Variants in CNTN4 observed in about 807,000 individuals in gnomAD.
CNTN4 encodes the protein contactin 4.
Under a neutral mutation model 122.5 loss-of-function variants are expected in CNTN4, and 77 were observed. The observed-to-expected ratio is 0.63, with a 90% CI of 0.52 to 0.76. The LOEUF (loss-of-function observed/expected upper bound fraction) is 0.76. Ranked by LOEUF, CNTN4 falls within the 30% of genes least tolerant of loss-of-function variation. CNTN4 has a pLI of 0.00. For missense variants in CNTN4, 1,256 were observed against 1,259.1 expected (o/e 1.00, Z 0.04); for synonymous variants, 512 against 447.0 (o/e 1.15, Z -1.83).
At chr3:2,315,962 C>T (rs2043083374) in intron 2 of CNTN4, among the ~76,000 whole-genome samples, 1 of 151,970 alleles carries the variant, frequency 6.6e-6, no homozygotes. Flanking sequence ...CCAAATATCA[C>T]TTAGTCAAAA....
Position 2,170,274 on chromosome 3 carries a change from C to T in CNTN4, c.-145+69635C>T, listed in dbSNP as rs4470495. ...GGCGGAGCTTGCAGTGAGCCGAGATCGCGCCACCGCACTCCAGCCTGGGCG... is the reference window on the plus strand; with the variant it reads ...GGCGGAGCTTGCAGTGAGCCGAGATTGCGCCACCGCACTCCAGCCTGGGCG... On this transcript the variant is annotated intron_variant, in intron 2 of 24. Transcript: ENST00000418658. 2.2e-3 allele frequency among the ~76,000 whole-genome samples: 329 copies of T among 151,404 alleles called. 1 individual carries two copies. Among genetic ancestry groups the T allele is most frequent in the Middle Eastern group, 6.8e-3 (2 of 294 alleles).
intron 7 of CNTN4, among the ~76,000 whole-genome samples, chr3:2,863,660 CA>C (rs1314232401): frequency 6.6e-6 from 1 of 151,840 alleles, no homozygotes; most frequent in Non-Finnish European, 1.5e-5. Context: ...CAGCGTTTCC[CA>C]AACTAGGTTT....
At chr3:2,378,488 G>C (rs1013241076) in intron 3 of CNTN4, among the ~76,000 whole-genome samples, 1 of 152,182 alleles carries the variant, frequency 6.6e-6, no homozygotes, top group African/African-American at 2.4e-5. Flanking sequence ...GAAAACGGGA[G>C]AAAGTGGACC....
chr3:2,738,932 G>T (rs1319357834), intron 5 of CNTN4, among the ~76,000 whole-genome samples: 1 of 151,968 alleles, frequency 6.6e-6, no homozygotes, highest in African/African-American at 2.4e-5. Context: ...ATGTTCAATA[G>T]AATATACTGA....
intron 13 of CNTN4, among the ~76,000 whole-genome samples, chr3:2,928,232 C>A (rs1315042712): frequency 6.6e-6 from 1 of 152,088 alleles, no homozygotes; most frequent in Non-Finnish European, 1.5e-5. Flanking sequence ...GCTTATAGAC[C>A]AAGTTTACTT....
In CNTN4 at chr3:3,043,681, G is replaced by A; in HGVS notation, c.2788G>A (p.Glu930Lys). The stretch of plus-strand genomic sequence containing the variant: ...GGATCAAGTGAAGGCCCTGGATAAT[G>A]AGTCGGAAGTAAAAGGATACAAAGT... ...NWDQVKALDN[E>K]SEVKGYKVLY... Residue 930 changes from glutamate (E) to lysine (K), a missense_variant, in exon 23 of 25, where the codon GAG becomes AAG. By Grantham distance (56) the Glu-to-Lys change is moderately conservative. Transcript: ENST00000418658. The A allele has an allele frequency of 6.2e-7, 1 of 1,613,184 alleles. No homozygotes were observed. Among genetic ancestry groups the A allele is most frequent in the Non-Finnish European group, 8.5e-7 (1 of 1,179,110 alleles).
chr3:2,609,644 G>C (rs34677221), intron 4 of CNTN4, among the ~76,000 whole-genome samples: 14,795 of 152,138 alleles, frequency 0.097, 954 homozygotes, highest in Non-Finnish European at 0.14. Context: ...TGAAAAATGA[G>C]TTTTAGTTTC....
At chr3:2,380,388 A>G (rs2045972981) in intron 3 of CNTN4, among the ~76,000 whole-genome samples, 1 of 152,180 alleles carries the variant, frequency 6.6e-6, no homozygotes, top group Non-Finnish European at 1.5e-5. Context: ...CTAAGATCTG[A>G]TGTTGTAGAT....
intron 2 of CNTN4, among the ~76,000 whole-genome samples, chr3:2,287,626 GAGAAGGAGAAGAAGAAGAAGAAGA>G (rs1559415085): frequency 3.7e-4 from 18 of 48,536 alleles, no homozygotes; most frequent in South Asian, 9.2e-4. Context: ...GAAGGAGAAG[GAGAAGGAGAAGAAGAAGAAGAAGA>G]AGAAGAAGAA....
intron 7 of CNTN4, among the ~76,000 whole-genome samples, chr3:2,858,253 C>T (rs2093636593): frequency 6.6e-6 from 1 of 152,210 alleles, no homozygotes. Context: ...CTCCCTGTTC[C>T]ACCTCCAGAA....
Position 2,900,763 on chromosome 3 carries a change from A to G in CNTN4, c.1019A>G (p.Asn340Ser), listed in dbSNP as rs1303027085. 5 of 1,613,888 alleles carry G rather than the reference A, an allele frequency of 3.1e-6. No individual in the cohort carries two copies. In the Admixed American group the frequency reaches 5.0e-5, roughly 16 times the overall value. ...EENVFWECKA[N>S]GRPKPTYKWL... ...AATGTCTTTTGGGAATGTAAAGCAA[A>G]TGGAAGGCCTAAGCCTACATACAAG... Residue 340 changes from asparagine to serine, a missense_variant, in exon 11 of 25, where the codon AAT becomes AGT. Coordinates refer to ENST00000418658, the MANE Select transcript of CNTN4 (RefSeq NM_175607.3).
chr3:2,607,842 T>A (rs1286863781), intron 4 of CNTN4, among the ~76,000 whole-genome samples: 1 of 152,132 alleles, frequency 6.6e-6, no homozygotes, highest in African/African-American at 2.4e-5. Context: ...GGGTATCAAT[T>A]TATGATTTTT....
intron 3 of CNTN4, among the ~76,000 whole-genome samples, chr3:2,470,653 C>G (rs1037703195): frequency 1.3e-5 from 2 of 152,154 alleles, no homozygotes; most frequent in Admixed American, 6.5e-5. Flanking sequence ...GTATTTCTCT[C>G]TCATATTCTT....
At chr3:2,759,713 C>CAA (rs71058642) in intron 6 of CNTN4, among the ~76,000 whole-genome samples, 144 of 141,824 alleles carry the variant, frequency 1.0e-3, no homozygotes, top group Non-Finnish European at 1.5e-3. Context: ...GACTCTGTCT[C>CAA]AAAAAAAAAA....
chr3:2,900,845 G>A, intron 11 of CNTN4, 24 bp downstream of exon 11: 1 of 1,613,584 alleles, frequency 6.2e-7, no homozygotes, highest in Non-Finnish European at 8.5e-7. Flanking sequence ...TGGTAATTGT[G>A]CCTTAGTCTT....
intron 12 of CNTN4, among the ~76,000 whole-genome samples, chr3:2,924,864 G>T (rs1442263118): frequency 6.6e-6 from 1 of 152,038 alleles, no homozygotes; most frequent in East Asian, 1.9e-4. Context: ...CTCTAATAGA[G>T]ATATATATGA....
chr3:2,242,323 C>G (rs777818356), intron 2 of CNTN4, among the ~76,000 whole-genome samples: 1 of 151,966 alleles, frequency 6.6e-6, no homozygotes, highest in Non-Finnish European at 1.5e-5. Flanking sequence ...CTGATTTGGT[C>G]CACATATCAT....
chr3:2,735,243 G>C (rs4685542), intron 4 of CNTN4, among the ~76,000 whole-genome samples: 21,164 of 152,228 alleles, frequency 0.14, 1,811 homozygotes, highest in South Asian at 0.26. Flanking sequence ...CCAGGAAAAA[G>C]AATTTGAACT....
chr3:2,764,518 T>G (rs2090750488), intron 6 of CNTN4, among the ~76,000 whole-genome samples: 1 of 152,066 alleles, frequency 6.6e-6, no homozygotes, highest in South Asian at 2.1e-4. Context: ...GAGCAGAAAG[T>G]GGTGGGAGGG....
Sources: gnomAD v4.1 joint callset for allele counts (sites outside exome capture counted in the v4.1 genomes callset) on GRCh38, gnomAD v4.1.1 for gene constraint, MANE v1.5 for transcripts, NCBI Gene and HGNC (gene_info 2026-07-23, HGNC 2026-07-21) for gene names.